SERINC4: variants seen among roughly 807,000 people sequenced by gnomAD.
SERINC4 encodes the protein serine incorporator 4.
In SERINC4, 52 loss-of-function variants were observed where a neutral mutation model predicts 52.0. The observed-to-expected ratio is 1.00, with a 90% CI of 0.80 to 1.26. The LOEUF is 1.26. Among genes scored for constraint, SERINC4 ranks in the 50% most tolerant of loss-of-function variants. The probability of loss-of-function intolerance (pLI) is 0.00; values close to 1 mark genes in which losing one functional copy is unlikely to be tolerated. For missense variants in SERINC4, 723 were observed against 632.8 expected (o/e 1.14, Z -1.53); for synonymous variants, 264 against 247.7 (o/e 1.07, Z -0.62).
chr15:43,800,016 C>G lies in SERINC4; in HGVS notation c.-30G>C. ...GTCCCAGGGATTAGGCTTAGGTCCACCAGATGGAAGGCAGATGAGAGCAGC... is the reference window on the plus strand; with the variant it reads ...GTCCCAGGGATTAGGCTTAGGTCCAGCAGATGGAAGGCAGATGAGAGCAGC... On this transcript the variant is annotated 5_prime_UTR_variant, in exon 1 of 12. Transcript: ENST00000319327. 1 of 1,459,468 alleles carries G rather than the reference C, an allele frequency of 6.9e-7. No individual in the cohort carries two copies. Among genetic ancestry groups the G allele is most frequent in the African/African-American group, 1.4e-5 (1 of 70,568 alleles). 90.4% of individuals were successfully genotyped at this position (1,459,468 alleles called of 1,614,324 possible).
intron 8 of SERINC4, 51 bp from the exon 9 acceptor site, chr15:43,796,278 G>A: frequency 7.0e-7 from 1 of 1,424,340 alleles, no homozygotes; most frequent in Non-Finnish European, 9.9e-7. Context: ...GGGATTATCT[G>A]GGGGCATTTA....
chr15:43,796,490 TG>T, intron 8 of SERINC4, 125 bp downstream of exon 8: 1 of 1,042,304 alleles, frequency 9.6e-7, no homozygotes. Context: ...TCCCTGTTTG[TG>T]GGGAGCTTTT....
At chr15:43,797,541 TACC>T (rs1403655799) in intron 5 of SERINC4, 185 bp from the exon 6 acceptor site, 1 of 580,338 alleles carries the variant, frequency 1.7e-6, no homozygotes, top group Non-Finnish European at 3.1e-6. Context: ...TACAGGCACC[TACC>T]ACCATGTCCA....
In SERINC4 at chr15:43,795,076, T is replaced by C. The variant is rs375421621; in HGVS notation, c.1481A>G (p.Gln494Arg). 1.0e-5 allele frequency: 16 copies of C among 1,587,304 alleles called. No homozygotes were observed. Among genetic ancestry groups the C allele is most frequent in the Admixed American group, 1.7e-5 (1 of 59,906 alleles). ...LLAPLCWPPT[Q>R]KPQPLILRRR... ...CCTCAAGATAAGGGGCTGGGGTTTC[T>C]GGGTGGGGGGCCAACAGAGTGGTGC... Residue 494 changes from glutamine (Q) to arginine (R), a missense_variant, in exon 12 of 12, where the codon CAG becomes CGG. By Grantham distance (43) the Gln-to-Arg change is conservative. Coordinates refer to ENST00000319327, the MANE Select transcript of SERINC4 (RefSeq NM_001258031.2).
chr15:43,798,480 GA>G lies in SERINC4; in HGVS notation c.482del (p.Phe161SerfsTer3). 1 of 1,613,786 alleles carries G rather than the reference GA, an allele frequency of 6.2e-7. No individual in the cohort carries two copies. ...HNSFWLLKLL[F>X]LLGLCAIAFC... ...AGGCAATAGCACAGAGACCTAACAG[GA>G]ACAGCAGCTTGAGGAGCCAGAAGCT... On this transcript the variant is annotated frameshift_variant, in exon 4 of 12. Transcript: ENST00000319327. LOFTEE classifies it high-confidence loss of function.
intron 9 of SERINC4, 157 bp from the exon 10 acceptor site, chr15:43,795,893 T>C (rs2087203922): frequency 1.4e-6 from 1 of 721,186 alleles, no homozygotes; most frequent in Non-Finnish European, 2.3e-6. Flanking sequence ...GTGCAGACTT[T>C]GGTAAGATGT....
In SERINC4 at chr15:43,797,408, TTGAGTTG is replaced by T. The variant is rs1596047559; in HGVS notation, c.633-59_633-53del. On this transcript the variant is annotated intron_variant, in intron 5 of 11. Transcript: ENST00000319327. ...TGGAGCTCCAGCATTTTTTTTTTTTTTGAGTTGGGAGTCTTGCTCTGTTGCCCAGGCT... is the reference window on the plus strand; with the variant it reads ...TGGAGCTCCAGCATTTTTTTTTTTTTGGAGTCTTGCTCTGTTGCCCAGGCT... 6 of 1,381,742 alleles carry T rather than the reference TTGAGTTG, an allele frequency of 4.3e-6. No homozygotes were observed. The East Asian group carries it at 1.5e-4, about 34-fold the overall frequency. The allele number at this position is 1,381,742 out of a possible 1,614,324, so 85.6% of individuals were successfully genotyped here.
chr15:43,797,860 T>A, intron 5 of SERINC4, 60 bp downstream of exon 5: 1 of 1,245,112 alleles, frequency 8.0e-7, no homozygotes, highest in Non-Finnish European at 1.2e-6. Flanking sequence ...CCCAGCCCTT[T>A]CCATGTAGTA....
Position 43,794,997 on chromosome 15 carries a change from G to A in SERINC4, c.*3C>T. On this transcript the variant is annotated 3_prime_UTR_variant, in exon 12 of 12. Transcript: ENST00000319327. ...CAGGGGAACCCCAGTTTGTGAAAAG[G>A]ACTTAGACTGGAGGATATTTGTTAT... 6.2e-7 allele frequency: 1 copy of A among 1,607,246 alleles called. No homozygotes were observed. Among genetic ancestry groups the A allele is most frequent in the Non-Finnish European group, 8.5e-7 (1 of 1,177,346 alleles).
Position 43,799,471 on chromosome 15 carries a change from G to A in SERINC4, c.118C>T (p.Pro40Ser), listed in dbSNP as rs763608312. 1.3e-6 allele frequency: 2 copies of A among 1,550,784 alleles called. No individual in the cohort carries two copies. Among genetic ancestry groups the A allele is most frequent in the South Asian group, 2.4e-5 (2 of 84,064 alleles). The change falls in exon 2 of 12, where the codon CCT (proline) becomes TCT (serine). Residue 40 changes from proline (P) to serine (S), a missense_variant. Coordinates refer to ENST00000319327, the MANE Select transcript of SERINC4 (RefSeq NM_001258031.2). The part of the protein sequence containing the change: ...SPFCQVCCCG[P>S]APCASCCHSR... ...TGGCAGCAGCTGGCACAAGGAGCAGGCCCACAGCAGCACACCTGGGAGTAG... is the reference window on the plus strand; with the variant it reads ...TGGCAGCAGCTGGCACAAGGAGCAGACCCACAGCAGCACACCTGGGAGTAG...
rs1384023306 is a variant in SERINC4, at chr15:43,796,201, A to G, written c.1094T>C (p.Val365Ala). Residue 365 changes from valine to alanine, a missense_variant, in exon 9 of 12, where the codon GTA becomes GCA. Coordinates refer to ENST00000319327, the MANE Select transcript of SERINC4 (RefSeq NM_001258031.2). ...ACNEASYLAE[V>A]FGPLWIVKVY... ...CTTGACAATCCACAGGGGTCCAAAT[A>G]CCTCAGCCAGGTAGGAGGCCTCATT... 4.3e-6 allele frequency: 7 copies of G among 1,613,978 alleles called. No homozygotes were observed. Among genetic ancestry groups the G allele is most frequent in the East Asian group, 4.5e-5 (2 of 44,876 alleles).
Position 43,799,114 on chromosome 15 carries a change from A to G in SERINC4, c.303T>C (p.Cys101=). ...THRIQMPSGL[C]AHLFGLSDCP... is the part of the protein sequence containing the mutation. ...AGTCAGAGAGGCCAAACAGGTGGGCACACAACCCCGAGGGCATCTGGATCT... is the reference window on the plus strand; with the variant it reads ...AGTCAGAGAGGCCAAACAGGTGGGCGCACAACCCCGAGGGCATCTGGATCT... The change falls in exon 3 of 12, where the codon TGT becomes TGC. Residue 101 remains cysteine, a synonymous_variant. Transcript: ENST00000319327. 6.5e-7 allele frequency: 1 copy of G among 1,550,212 alleles called. No homozygotes were observed. The highest frequency in any genetic ancestry group is 1.2e-5 in the South Asian group (1 of 84,060).
Position 43,794,922 on chromosome 15 carries a change from T to C in SERINC4, c.*78A>G, listed in dbSNP as rs577023776. ...TAACTCCCTGTGTGTCCTTGAGGTA[T>C]TGAGCTGGGCTGGACAGCTCCCCTT... On this transcript the variant is annotated 3_prime_UTR_variant, in exon 12 of 12. Transcript: ENST00000319327. 2.1e-5 allele frequency: 23 copies of C among 1,107,648 alleles called. 1 individual carries two copies. In the South Asian group the frequency reaches 2.3e-4, roughly 11 times the overall value. 68.6% of individuals were successfully genotyped at this position (1,107,648 alleles called of 1,614,324 possible).
Position 43,797,149 on chromosome 15 carries a change from G to A in SERINC4, c.840C>T (p.Arg280=). The change falls in exon 6 of 12, where the codon CGC becomes CGT. Residue 280 remains arginine (R), a synonymous_variant. Coordinates refer to ENST00000319327, the MANE Select transcript of SERINC4 (RefSeq NM_001258031.2). ...ISFLSIAPCI[R]LKQPRSGLLQ... ...TGCTGTAGGACATGTACCCACTGAG[G>A]CGGATGCAAGGAGCGATGGAGAGGA... 6.4e-7 allele frequency: 1 copy of A among 1,551,266 alleles called. No individual in the cohort carries two copies. The highest frequency in any genetic ancestry group is 2.4e-5 in the East Asian group (1 of 40,912).
At chr15:43,799,683 C>T (rs1339155355) in intron 1 of SERINC4, 197 bp from the exon 2 acceptor site, 6 of 821,670 alleles carry the variant, frequency 7.3e-6, no homozygotes, top group Non-Finnish European at 1.0e-5. Flanking sequence ...GTAGGGCTTT[C>T]ATTATAAGCA....
chr15:43,799,923 C>T lies in SERINC4; in HGVS notation c.64G>A (p.Gly22Arg), dbSNP rs767406614. 16 of 1,549,670 alleles carry T rather than the reference C, an allele frequency of 1.0e-5. No homozygotes were observed. In the African/African-American group the frequency reaches 1.2e-4, roughly 12 times the overall value. ...TSLGLAQQHS[G>R]GSSVLVKSPF... ...CTTTTCACTAGGACACTGCTGCCTC[C>T]GCTGTGCTGCTGTGCCAGGCCCAGG... The change falls in exon 1 of 12, where the codon GGA (glycine) becomes AGA (arginine). Residue 22 changes from glycine to arginine, a missense_variant. Transcript: ENST00000319327.
intron 8 of SERINC4, 121 bp downstream of exon 8, chr15:43,796,495 A>G: frequency 9.2e-7 from 1 of 1,086,246 alleles, no homozygotes; most frequent in South Asian, 1.5e-5. Flanking sequence ...GTTTGTGGGG[A>G]GCTTTTCTCA....
chr15:43,799,859 C>T, intron 1 of SERINC4, 26 bp downstream of exon 1: 1 of 1,495,688 alleles, frequency 6.7e-7, no homozygotes, highest in Non-Finnish European at 9.0e-7. Context: ...CCAGCTTCGG[C>T]CACTCTCCCC....
In SERINC4 at chr15:43,799,140, G is replaced by A; in HGVS notation, c.280-3C>T. 6.5e-7 allele frequency: 1 copy of A among 1,547,194 alleles called. No individual in the cohort carries two copies. Among genetic ancestry groups the A allele is most frequent in the Non-Finnish European group, 8.7e-7 (1 of 1,144,118 alleles). On this transcript the variant is annotated splice_region_variant and splice_polypyrimidine_tract_variant and intron_variant, in intron 2 of 11. Transcript: ENST00000319327. ...CACAACCCCGAGGGCATCTGGATCT[G>A]GGAGTGTGTGTGAGAGAAATGGCAG...
Sources: gnomAD v4.1 joint callset for allele counts on GRCh38, gnomAD v4.1.1 for gene constraint, MANE v1.5 for transcripts, NCBI Gene and HGNC (gene_info 2026-07-23, HGNC 2026-07-21) for gene names.